Variants in CNTNAP4 observed in about 807,000 individuals in gnomAD.
The protein encoded by CNTNAP4 is contactin-associated protein-like 4.
A neutral mutation model predicts 148.4 loss-of-function variants in CNTNAP4; 98 were observed. The observed-to-expected ratio is 0.66, with a 90% confidence interval of 0.56 to 0.78. The LOEUF (loss-of-function observed/expected upper bound fraction) is 0.78. CNTNAP4 is among the 30% of genes least tolerant of loss of function. The pLI is 0.00. For missense variants in CNTNAP4, 1,935 were observed against 1,565.6 expected (o/e 1.24, Z -3.98); for synonymous variants, 730 against 565.1 (o/e 1.29, Z -4.14).
chr16:76,520,088 T>C (rs972275146), intron 15 of CNTNAP4, among the ~76,000 whole-genome samples: 3 of 152,162 alleles, frequency 2.0e-5, no homozygotes, highest in Admixed American at 2.0e-4. Flanking sequence ...ATTTTATCCA[T>C]GTAGGTAATG....
intron 2 of CNTNAP4, among the ~76,000 whole-genome samples, chr16:76,325,352 C>A (rs983242403): frequency 2.6e-5 from 4 of 152,136 alleles, no homozygotes; most frequent in African/African-American, 9.6e-5. Flanking sequence ...TCTCCAACTG[C>A]AGAATACACA....
chr16:76,365,217 C>A lies in CNTNAP4; in HGVS notation c.390+9706C>A, dbSNP rs533473010. The stretch of plus-strand genomic sequence containing the variant: ...TGGCGTTATTTCTGAGGCCTCTGTT[C>A]TGTTCCCTTGGTCTATATATCTGTT... On this transcript the variant is annotated intron_variant, in intron 3 of 23. Transcript: ENST00000611870. 4.1e-4 allele frequency among the ~76,000 whole-genome samples: 63 copies of A among 152,230 alleles called. 1 individual carries two copies. In the South Asian group the frequency reaches 0.011, roughly 27 times the overall value.
chr16:76,316,839 G>C (rs553190183), intron 2 of CNTNAP4, among the ~76,000 whole-genome samples: 101 of 152,268 alleles, frequency 6.6e-4, no homozygotes, highest in Non-Finnish European at 1.3e-3. Flanking sequence ...TCAGTTTCAA[G>C]TTAAAGAAGT....
intron 2 of CNTNAP4, among the ~76,000 whole-genome samples, chr16:76,343,783 G>T (rs999823382): frequency 1.3e-5 from 2 of 151,848 alleles, no homozygotes; most frequent in Non-Finnish European, 2.9e-5. Context: ...TTTAAAACAC[G>T]TGTAATAATC....
At chr16:76,310,508 C>T (rs1403309638) in intron 1 of CNTNAP4, among the ~76,000 whole-genome samples, 1 of 152,132 alleles carries the variant, frequency 6.6e-6, no homozygotes, top group Non-Finnish European at 1.5e-5. Context: ...TGTCAATGGA[C>T]TATTTGGAAT....
At chr16:76,521,602 T>A (rs2083455470) in intron 16 of CNTNAP4, among the ~76,000 whole-genome samples, 1 of 152,170 alleles carries the variant, frequency 6.6e-6, no homozygotes, top group African/African-American at 2.4e-5. Flanking sequence ...AATTACTTAA[T>A]CAACCACTCA....
chr16:76,323,435 A>G (rs143985420), intron 2 of CNTNAP4, among the ~76,000 whole-genome samples: 1 of 152,304 alleles, frequency 6.6e-6, no homozygotes, highest in East Asian at 1.9e-4. Flanking sequence ...ACTTGTTCTA[A>G]TAAATTATAT....
intron 1 of CNTNAP4, chr16:76,309,774 C>T (rs1960890043): frequency 1.4e-6 from 1 of 690,952 alleles, no homozygotes; most frequent in Admixed American, 2.0e-5. Context: ...TCCGGGCTTT[C>T]CCGTGCTATT....
chr16:76,418,510 T>C (rs1023648801), intron 3 of CNTNAP4, among the ~76,000 whole-genome samples: 3 of 151,704 alleles, frequency 2.0e-5, no homozygotes, highest in Admixed American at 1.3e-4. Flanking sequence ...TCTTCACTTC[T>C]GTTCCAGCAT....
chr16:76,305,225 C>G (rs1218181961), intron 1 of CNTNAP4, among the ~76,000 whole-genome samples: 1 of 152,088 alleles, frequency 6.6e-6, no homozygotes, highest in Admixed American at 6.6e-5. Flanking sequence ...TTTCAATTTT[C>G]TCTATGTCTG....
At chr16:76,340,330 C>T (rs1044491590) in intron 2 of CNTNAP4, among the ~76,000 whole-genome samples, 1 of 152,116 alleles carries the variant, frequency 6.6e-6, no homozygotes. Context: ...TCTCATCACC[C>T]AAGGAGAGCT....
chr16:76,334,278 C>T (rs745984629), intron 2 of CNTNAP4, among the ~76,000 whole-genome samples: 1 of 151,470 alleles, frequency 6.6e-6, no homozygotes, highest in Non-Finnish European at 1.5e-5. Flanking sequence ...AGTGTTTTGA[C>T]AAAGATTTCC....
chr16:76,317,300 AC>A (rs144505397), intron 2 of CNTNAP4, among the ~76,000 whole-genome samples: 6,441 of 118,704 alleles, frequency 0.054, 505 homozygotes, highest in African/African-American at 0.17. Flanking sequence ...AACCCAAAAA[AC>A]CCCCCAAAAA....
intron 14 of CNTNAP4, among the ~76,000 whole-genome samples, chr16:76,497,516 T>TA (rs1401684072): frequency 6.6e-6 from 1 of 151,168 alleles, no homozygotes; most frequent in Non-Finnish European, 1.5e-5. Flanking sequence ...GGGGCAGCCA[T>TA]AAAAAAGGAT....
chr16:76,525,409 T>A (rs1200604989), intron 17 of CNTNAP4, among the ~76,000 whole-genome samples: 1 of 150,474 alleles, frequency 6.6e-6, no homozygotes. Flanking sequence ...TAAAAAAATC[T>A]GTCTATCCAT....
chr16:76,534,623 A>T (rs535583955), intron 17 of CNTNAP4, among the ~76,000 whole-genome samples: 1 of 152,298 alleles, frequency 6.6e-6, no homozygotes, highest in Admixed American at 6.5e-5. Context: ...TTATACAATG[A>T]TGGTCTAGTG....
chr16:76,389,449 C>A (rs190691659), intron 3 of CNTNAP4, among the ~76,000 whole-genome samples: 1 of 151,814 alleles, frequency 6.6e-6, no homozygotes, highest in Non-Finnish European at 1.5e-5. Context: ...TTTGTTTTTG[C>A]GTTTTTTGTT....
intron 1 of CNTNAP4, among the ~76,000 whole-genome samples, chr16:76,300,885 G>A (rs879303113): frequency 4.9e-4 from 75 of 152,064 alleles, no homozygotes; most frequent in African/African-American, 1.7e-3. Flanking sequence ...GGATGTCAAG[G>A]AAGGGGTATC....
intron 4 of CNTNAP4, among the ~76,000 whole-genome samples, chr16:76,435,050 G>A (rs982661463): frequency 1.3e-5 from 2 of 152,118 alleles, no homozygotes; most frequent in Non-Finnish European, 1.5e-5. Context: ...GTAAAAGGCT[G>A]AATGTCTCCT....
Sources: gnomAD v4.1 joint callset for allele counts (sites outside exome capture counted in the v4.1 genomes callset) on GRCh38, gnomAD v4.1.1 for gene constraint, MANE v1.5 for transcripts, NCBI Gene and HGNC (gene_info 2026-07-23, HGNC 2026-07-21) for gene names.